The following AKAP10 variants were observed in gnomAD, a reference collection of about 807,000 sequenced individuals.
The protein encoded by AKAP10 is A-kinase anchor protein 10, mitochondrial.
AKAP10 carries 24 observed loss-of-function variants against 80.8 expected under a neutral mutation model. The ratio of observed to expected loss-of-function variants is 0.30; its 90% CI spans 0.22 to 0.42. AKAP10 has a LOEUF of 0.42. Among genes scored for constraint, AKAP10 ranks in the 10% least tolerant of loss-of-function variants. The probability of loss-of-function intolerance (pLI) is 1.00; values close to 1 mark genes in which losing one functional copy is unlikely to be tolerated. For missense variants in AKAP10, 661 were observed against 794.9 expected, an observed-to-expected ratio of 0.83 and a Z score of 2.03; for synonymous variants, 291 against 277.7, an observed-to-expected ratio of 1.05 and a Z score of -0.48.
intron 12 of AKAP10, among the ~76,000 whole-genome samples, chr17:19,911,568 G>T (rs1325680744): frequency 6.6e-6 from 1 of 152,050 alleles, no homozygotes; most frequent in Non-Finnish European, 1.5e-5. Context: ...GCTGGGCGCG[G>T]TGGCTCACGC....
chr17:19,938,571 C>A (rs189276816), intron 8 of AKAP10, among the ~76,000 whole-genome samples: 46 of 152,188 alleles, frequency 3.0e-4, no homozygotes, highest in African/African-American at 4.8e-5. Flanking sequence ...TCAGGTGATT[C>A]CTATGCAGAC....
intron 3 of AKAP10, among the ~76,000 whole-genome samples, chr17:19,959,239 A>AT (rs1319279234): frequency 2.0e-5 from 3 of 152,190 alleles, no homozygotes; most frequent in Non-Finnish European, 1.5e-5. Flanking sequence ...ACTCAACCTC[A>AT]TTAAAAATCC....
At chr17:19,974,067 C>A (rs1242455073) in intron 1 of AKAP10, among the ~76,000 whole-genome samples, 1 of 152,168 alleles carries the variant, frequency 6.6e-6, no homozygotes, top group East Asian at 1.9e-4. Flanking sequence ...TGGCGCATGC[C>A]TGTAATTCCA....
chr17:19,919,437 A>G (rs984853412), intron 12 of AKAP10, among the ~76,000 whole-genome samples: 6 of 152,206 alleles, frequency 3.9e-5, no homozygotes, highest in African/African-American at 1.4e-4. Flanking sequence ...TAATCCCAGC[A>G]CTTTGGGAAG....
intron 1 of AKAP10, among the ~76,000 whole-genome samples, chr17:19,972,079 C>T (rs974843441): frequency 6.6e-6 from 1 of 152,208 alleles, no homozygotes; most frequent in Admixed American, 6.5e-5. Context: ...GCATTCTAGC[C>T]TGGGCGACAT....
chr17:19,977,230 G>A (rs1008126640), intron 1 of AKAP10, among the ~76,000 whole-genome samples: 15 of 152,286 alleles, frequency 9.8e-5, no homozygotes, highest in Non-Finnish European at 1.8e-4. Context: ...GGAAACTTCA[G>A]ACTTCCATAA....
chr17:19,939,653 C>T, intron 8 of AKAP10, 60 bp downstream of exon 8: 2 of 1,566,034 alleles, frequency 1.3e-6, no homozygotes, highest in South Asian at 2.3e-5. Flanking sequence ...TCTTTATTTC[C>T]ACAAAACATA....
At chr17:19,949,158 A>C (rs2043169824) in intron 4 of AKAP10, among the ~76,000 whole-genome samples, 1 of 152,158 alleles carries the variant, frequency 6.6e-6, no homozygotes, top group South Asian at 2.1e-4. Flanking sequence ...TGCTCTAAGA[A>C]ATAAGATCAC....
In AKAP10 at chr17:19,962,287, CATACATAT is replaced by C. The variant is rs1188480191; in HGVS notation, c.319+545_319+552del. Among the ~76,000 whole-genome samples, 17 of 131,618 alleles carry C rather than the reference CATACATAT, an allele frequency of 1.3e-4. No homozygotes were observed. The East Asian group carries it at 3.2e-3, about 25-fold the overall frequency. The allele number at this position is 131,618 out of a possible 152,430, so 86.3% of individuals were successfully genotyped here. A position where few individuals can be genotyped will look rare whatever the true frequency, so the allele number is the denominator to read the frequency against. ...ACATACATACATACATACATACATA[CATACATAT>C]ACACACACACACACACACACACACA... On this transcript the variant is annotated intron_variant, in intron 3 of 14. Coordinates refer to ENST00000225737, the MANE Select transcript of AKAP10 (RefSeq NM_007202.4).
chr17:19,968,593 G>A, intron 1 of AKAP10, 132 bp from the exon 2 acceptor site: 1 of 671,110 alleles, frequency 1.5e-6, no homozygotes, highest in South Asian at 2.1e-5. Context: ...CCTTGGAGGA[G>A]GGCACAGGAG....
intron 10 of AKAP10, among the ~76,000 whole-genome samples, chr17:19,928,515 T>TTA (rs1332790335): frequency 1.3e-5 from 2 of 152,098 alleles, no homozygotes; most frequent in African/African-American, 4.8e-5. Flanking sequence ...AATCTGGCAG[T>TTA]TTTTCAATAA....
intron 12 of AKAP10, among the ~76,000 whole-genome samples, chr17:19,917,125 C>T (rs1026133813): frequency 2.6e-5 from 4 of 151,136 alleles, no homozygotes; most frequent in South Asian, 2.1e-4. Flanking sequence ...ATTAGCTGGG[C>T]GTGGTGGTGG....
At chr17:19,938,111 G>C (rs1296780019) in intron 8 of AKAP10, among the ~76,000 whole-genome samples, 1 of 151,418 alleles carries the variant, frequency 6.6e-6, no homozygotes, top group East Asian at 1.9e-4. Context: ...GTTTCTAGTA[G>C]AGACAAGGTT....
intron 14 of AKAP10, 120 bp from the exon 15 acceptor site, chr17:19,906,352 C>G (rs761087996): frequency 1.3e-5 from 14 of 1,077,016 alleles, no homozygotes; most frequent in Middle Eastern, 2.6e-4. Flanking sequence ...TTTAAGACAG[C>G]CAGAAGCTGA....
chr17:19,973,415 GAA>G (rs1016033489), intron 1 of AKAP10, among the ~76,000 whole-genome samples: 3 of 152,174 alleles, frequency 2.0e-5, no homozygotes, highest in Non-Finnish European at 4.4e-5. Context: ...GCCCTTAACA[GAA>G]AAAGTCTGTT....
intron 10 of AKAP10, among the ~76,000 whole-genome samples, chr17:19,925,236 CCAACAAATGTGCTGTACT>C (rs2042864039): frequency 3.9e-5 from 6 of 152,088 alleles, no homozygotes; most frequent in Non-Finnish European, 1.5e-5. Flanking sequence ...GACCTAAGTT[CCAACAAATGTGCTGTACT>C]CACAGCATTA....
intron 10 of AKAP10, among the ~76,000 whole-genome samples, chr17:19,925,568 A>G (rs1444452638): frequency 6.6e-6 from 1 of 152,232 alleles, no homozygotes; most frequent in Non-Finnish European, 1.5e-5. Flanking sequence ...ACTTATATTG[A>G]TGGAAAATGA....
chr17:19,941,292 A>G (rs2043048797), intron 6 of AKAP10, among the ~76,000 whole-genome samples: 1 of 152,198 alleles, frequency 6.6e-6, no homozygotes, highest in African/African-American at 2.4e-5. Flanking sequence ...TTCCTTCAAG[A>G]CTGGCACTAT....
intron 13 of AKAP10, 62 bp downstream of exon 13, chr17:19,909,864 C>A: frequency 6.6e-7 from 1 of 1,519,778 alleles, no homozygotes; most frequent in Non-Finnish European, 9.0e-7. Context: ...AATTTTAAAC[C>A]TCACTTACAT....
Sources: allele counts gnomAD v4.1 joint callset (sites outside exome capture counted in the v4.1 genomes callset), GRCh38; gene constraint gnomAD v4.1.1; transcripts MANE v1.5; gene names NCBI Gene and HGNC (gene_info 2026-07-23, HGNC 2026-07-21).